MARCHF2: variants seen among roughly 807,000 people sequenced by gnomAD.
The protein encoded by MARCHF2 is membrane associated ring-CH-type finger 2.
MARCHF2 carries 22 observed loss-of-function variants against 24.0 expected under a neutral mutation model. The observed-to-expected ratio is 0.92, with a 90% CI of 0.66 to 1.31. The LOEUF (loss-of-function observed/expected upper bound fraction) is 1.31. MARCHF2 is among the 50% of genes most tolerant of loss of function. The pLI, the probability that MARCHF2 is intolerant of heterozygous loss-of-function variation, is 0.00. For missense variants in MARCHF2, 301 were observed against 335.3 expected (o/e 0.90, Z 0.80); for synonymous variants, 154 against 153.0 (o/e 1.01, Z -0.05).
intron 3 of MARCHF2, among the ~76,000 whole-genome samples, chr19:8,428,923 G>A (rs936893744): frequency 5.3e-5 from 8 of 149,752 alleles, no homozygotes; most frequent in African/African-American, 1.5e-4. Context: ...CAACAAGAGC[G>A]AAACTCCGTC....
chr19:8,428,860 G>T (rs184812404), intron 3 of MARCHF2, among the ~76,000 whole-genome samples: 2 of 151,356 alleles, frequency 1.3e-5, no homozygotes, highest in Non-Finnish European at 2.9e-5. Context: ...GCTTGAACCC[G>T]GAAGGCGGAG....
intron 2 of MARCHF2, among the ~76,000 whole-genome samples, chr19:8,425,635 G>A (rs1316319272): frequency 2.3e-5 from 3 of 132,450 alleles, no homozygotes; most frequent in Non-Finnish European, 4.9e-5. Flanking sequence ...TTTTTTTTTT[G>A]AGACGGAGCC....
At chr19:8,437,670 C>CT (rs1228476958) in intron 4 of MARCHF2, among the ~76,000 whole-genome samples, 34 of 143,136 alleles carry the variant, frequency 2.4e-4, no homozygotes, top group African/African-American at 2.6e-4. Flanking sequence ...TATTGAGTGA[C>CT]TTTTTTTTTT....
At chr19:8,416,898 A>G (rs1369721833) in intron 1 of MARCHF2, among the ~76,000 whole-genome samples, 1 of 152,118 alleles carries the variant, frequency 6.6e-6, no homozygotes, top group African/African-American at 2.4e-5. Context: ...CTTCTCCAGG[A>G]AGGTGACCTT....
In MARCHF2 at chr19:8,438,728, G is replaced by GTTT; in HGVS notation, c.*182_*183insTTT. On this transcript the variant is annotated 3_prime_UTR_variant, in exon 5 of 5. Transcript: ENST00000215555. The stretch of plus-strand genomic sequence containing the variant: ...TGATCCTGTGTGAAGATATTTTCAG[G>GTTT]GTTTTTTTTTTTTTTTTTTTGCATA... 1 of 539,218 alleles carries GTTT rather than the reference G, an allele frequency of 1.9e-6. No homozygotes were observed. The highest frequency in any genetic ancestry group is 2.0e-5 in the African/African-American group (1 of 50,318). The allele number at this position is 539,218 out of a possible 1,614,324, so 33.4% of individuals were successfully genotyped here.
chr19:8,423,348 C>G (rs1276407769), intron 2 of MARCHF2: 4 of 152,174 alleles, frequency 2.6e-5, no homozygotes, highest in Non-Finnish European at 5.9e-5. Context: ...GCATGAACCA[C>G]TGTGCCTGGC....
intron 2 of MARCHF2, chr19:8,423,553 G>T (rs1331492736): frequency 1.3e-5 from 2 of 152,094 alleles, no homozygotes; most frequent in Non-Finnish European, 2.9e-5. Context: ...GTTCAGAAAG[G>T]AGGCAGGCAG....
chr19:8,428,847 C>T (rs1372220887), intron 3 of MARCHF2, among the ~76,000 whole-genome samples: 4 of 144,860 alleles, frequency 2.8e-5, no homozygotes, highest in Non-Finnish European at 4.5e-5. Context: ...GCCTGTAATC[C>T]CAGCTTGAAC....
chr19:8,413,671 TG>T (rs980944750), intron 1 of MARCHF2: 1 of 152,168 alleles, frequency 6.6e-6, no homozygotes, highest in African/African-American at 2.4e-5. Context: ...GCCAACCTGA[TG>T]GGGCTTCTGG....
At chr19:8,415,745 A>AAAAAAAAAAAAAAAAAC (rs1568233711) in intron 1 of MARCHF2, among the ~76,000 whole-genome samples, 9 of 53,988 alleles carry the variant, frequency 1.7e-4, no homozygotes, top group East Asian at 4.6e-4. Context: ...CAAAAAAAAC[A>AAAAAAAAAAAAAAAAAC]AAAAAAAAAA....
chr19:8,436,355 G>A (rs147293887), intron 4 of MARCHF2, among the ~76,000 whole-genome samples: 1 of 151,888 alleles, frequency 6.6e-6, no homozygotes, highest in Non-Finnish European at 1.5e-5. Context: ...GGATGGTCTC[G>A]ATCTCTTGAC....
chr19:8,414,623 A>T (rs944612075), intron 1 of MARCHF2, among the ~76,000 whole-genome samples: 1 of 152,136 alleles, frequency 6.6e-6, no homozygotes, highest in Non-Finnish European at 1.5e-5. Context: ...TGAGAGAGTA[A>T]AACAGCTGCC....
intron 4 of MARCHF2, among the ~76,000 whole-genome samples, chr19:8,436,783 C>A (rs1271832078): frequency 2.0e-5 from 3 of 148,128 alleles, no homozygotes; most frequent in Middle Eastern, 3.3e-3. Context: ...CCCTCCCCCA[C>A]AGGTTCAAGC....
chr19:8,429,478 ACTTATTATT>A (rs1250151594), intron 3 of MARCHF2, among the ~76,000 whole-genome samples: 4 of 107,026 alleles, frequency 3.7e-5, no homozygotes, highest in South Asian at 3.4e-4. Flanking sequence ...AAATGAAAGA[ACTTATTATT>A]ATTATTATTA....
intron 2 of MARCHF2, among the ~76,000 whole-genome samples, chr19:8,426,408 A>G (rs991148153): frequency 6.6e-6 from 1 of 151,684 alleles, no homozygotes; most frequent in African/African-American, 2.4e-5. Flanking sequence ...CACCTGTGGG[A>G]GTCTGGGAAG....
chr19:8,431,485 G>A (rs1398107978), intron 4 of MARCHF2, among the ~76,000 whole-genome samples: 14 of 39,904 alleles, frequency 3.5e-4, no homozygotes, highest in Non-Finnish European at 5.2e-4. Context: ...TAAAAAGAGC[G>A]AAACTCGATC....
At chr19:8,428,728 C>T (rs1384935323) in intron 3 of MARCHF2, among the ~76,000 whole-genome samples, 4 of 138,546 alleles carry the variant, frequency 2.9e-5, no homozygotes, top group South Asian at 2.3e-4. Flanking sequence ...CTTTGGGAGG[C>T]AGAGGTGGGT....
At chr19:8,427,495 C>G (rs1967437917) in intron 3 of MARCHF2, among the ~76,000 whole-genome samples, 2 of 147,882 alleles carry the variant, frequency 1.4e-5, no homozygotes, top group Non-Finnish European at 3.0e-5. Flanking sequence ...GACTTCAAAG[C>G]ATCGCTTCTG....
chr19:8,420,847 G>A (rs1391899470), intron 1 of MARCHF2, among the ~76,000 whole-genome samples: 1 of 152,010 alleles, frequency 6.6e-6, no homozygotes, highest in African/African-American at 2.4e-5. Flanking sequence ...TAGAGCCAGG[G>A]TTTCACCATG....
Sources: gnomAD v4.1 joint callset for allele counts (sites outside exome capture counted in the v4.1 genomes callset) on GRCh38, gnomAD v4.1.1 for gene constraint, MANE v1.5 for transcripts, NCBI Gene and HGNC (gene_info 2026-07-23, HGNC 2026-07-21) for gene names.